Variants in CTNNA3 observed in about 807,000 individuals in gnomAD.
CTNNA3 encodes catenin alpha 3.
In CTNNA3, 76 loss-of-function variants were observed where a neutral mutation model predicts 95.7. The ratio of observed to expected loss-of-function variants is 0.79; its 90% CI spans 0.66 to 0.96. The LOEUF (loss-of-function observed/expected upper bound fraction) is 0.96. Ranked by LOEUF, CTNNA3 falls within the 40% of genes least tolerant of loss-of-function variation. The pLI, the probability that CTNNA3 is intolerant of heterozygous loss-of-function variation, is 0.00. For missense variants in CTNNA3, 1,191 were observed against 1,089.8 expected (o/e 1.09, Z -1.31); for synonymous variants, 431 against 374.4 (o/e 1.15, Z -1.74).
intron 1 of CTNNA3, among the ~76,000 whole-genome samples, chr10:67,657,319 T>C (rs972815115): frequency 6.6e-6 from 1 of 152,074 alleles, no homozygotes; most frequent in East Asian, 1.9e-4. Flanking sequence ...CAGTTAGATA[T>C]ACAAGAGCAG....
intron 3 of CTNNA3, among the ~76,000 whole-genome samples, chr10:67,559,267 G>A (rs932499782): frequency 2.6e-5 from 4 of 152,158 alleles, no homozygotes; most frequent in Admixed American, 6.5e-5. Context: ...CACCTCACAC[G>A]GCTGGGTACC....
intron 7 of CTNNA3, among the ~76,000 whole-genome samples, chr10:66,900,532 T>C (rs529291865): frequency 1.5e-4 from 23 of 152,268 alleles, no homozygotes; most frequent in African/African-American, 5.3e-4. Context: ...CTTTGACAAG[T>C]TGACAGAAGT....
chr10:66,848,939 T>G (rs1023094464), intron 7 of CTNNA3, among the ~76,000 whole-genome samples: 2 of 152,202 alleles, frequency 1.3e-5, no homozygotes, highest in Admixed American at 6.5e-5. Context: ...ATACTTAGAT[T>G]GCACAACTGT....
intron 11 of CTNNA3, among the ~76,000 whole-genome samples, chr10:66,434,923 G>C (rs2093326458): frequency 6.6e-6 from 1 of 151,568 alleles, no homozygotes; most frequent in South Asian, 2.1e-4. Flanking sequence ...TTTTTCATTG[G>C]TTCTGTTTAT....
intron 10 of CTNNA3, among the ~76,000 whole-genome samples, chr10:66,523,318 G>T (rs189447551): frequency 6.6e-6 from 1 of 152,212 alleles, no homozygotes; most frequent in Non-Finnish European, 1.5e-5. Flanking sequence ...TATAAGACAG[G>T]CTACATTTTA....
chr10:65,930,343 G>A (rs1454584605), intron 17 of CTNNA3, among the ~76,000 whole-genome samples: 1 of 151,944 alleles, frequency 6.6e-6, no homozygotes, highest in Non-Finnish European at 1.5e-5. Flanking sequence ...ATCAGCCCAA[G>A]TTGTTACCAT....
intron 7 of CTNNA3, among the ~76,000 whole-genome samples, chr10:67,112,852 A>G (rs1858980663): frequency 6.6e-6 from 1 of 150,670 alleles, no homozygotes; most frequent in South Asian, 2.1e-4. Context: ...TGAGAAATAC[A>G]TCCATCACAT....
chr10:66,465,905 T>C lies in CTNNA3; in HGVS notation c.1531+54712A>G, dbSNP rs1838892773. Among the ~76,000 whole-genome samples the C allele has an allele frequency of 3.3e-5, 5 of 152,158 alleles. No individual in the cohort carries two copies. The South Asian group carries it at 1.0e-3, about 32-fold the overall frequency. ...ATACATTATAGATGTGAACAAAATT[T>C]ATTGAATGGAGATAGTACAATGAGA... On this transcript the variant is annotated intron_variant, in intron 11 of 17. Coordinates refer to ENST00000433211, the MANE Select transcript of CTNNA3 (RefSeq NM_013266.4).
chr10:67,741,420 A>G (rs1214975967), intron 1 of CTNNA3, among the ~76,000 whole-genome samples: 2 of 150,734 alleles, frequency 1.3e-5, no homozygotes, highest in African/African-American at 4.9e-5. Flanking sequence ...TTCATAAGTG[A>G]AGGAGAAATA....
intron 7 of CTNNA3, among the ~76,000 whole-genome samples, chr10:67,001,654 C>T (rs760199977): frequency 2.6e-5 from 4 of 151,892 alleles, no homozygotes; most frequent in Non-Finnish European, 4.4e-5. Flanking sequence ...AGAAAGTTAC[C>T]ACAAGACAAC....
At chr10:66,343,851 T>C (rs987509052) in intron 12 of CTNNA3, among the ~76,000 whole-genome samples, 1 of 151,974 alleles carries the variant, frequency 6.6e-6, no homozygotes, top group African/African-American at 2.4e-5. Context: ...CAATTATTAT[T>C]TGTCAATTAA....
intron 5 of CTNNA3, among the ~76,000 whole-genome samples, chr10:67,300,108 G>A (rs1589140179): frequency 1.3e-5 from 2 of 152,102 alleles, no homozygotes; most frequent in Admixed American, 6.6e-5. Flanking sequence ...CTGGAGGTGG[G>A]GCCCAGCAAC....
chr10:66,066,767 G>T (rs1271310181), intron 15 of CTNNA3, among the ~76,000 whole-genome samples: 1 of 152,074 alleles, frequency 6.6e-6, no homozygotes, highest in Non-Finnish European at 1.5e-5. Context: ...GAATTATATT[G>T]TAAAGAGTAA....
At chr10:66,972,697 T>C (rs1849789713) in intron 7 of CTNNA3, among the ~76,000 whole-genome samples, 2 of 127,900 alleles carry the variant, frequency 1.6e-5, no homozygotes, top group African/African-American at 5.7e-5. Flanking sequence ...TTCTGTCAAA[T>C]AGATTTTTTT....
intron 12 of CTNNA3, among the ~76,000 whole-genome samples, chr10:66,329,266 T>G (rs2092296225): frequency 1.3e-5 from 2 of 151,898 alleles, no homozygotes; most frequent in African/African-American, 2.4e-5. Context: ...GGATGAATTC[T>G]TACTTCCTCT....
intron 5 of CTNNA3, among the ~76,000 whole-genome samples, chr10:67,470,024 T>TA (rs1847756194): frequency 6.6e-6 from 1 of 152,234 alleles, no homozygotes. Context: ...TGGTATCAAA[T>TA]ACTAGGTCTT....
intron 11 of CTNNA3, among the ~76,000 whole-genome samples, chr10:66,421,192 G>T (rs2093190051): frequency 6.6e-6 from 1 of 152,100 alleles, no homozygotes; most frequent in Non-Finnish European, 1.5e-5. Context: ...TCATATGTGG[G>T]AACTAAAAAG....
At chr10:66,020,589 T>A (rs2079182508) in intron 15 of CTNNA3, among the ~76,000 whole-genome samples, 1 of 152,210 alleles carries the variant, frequency 6.6e-6, no homozygotes, top group South Asian at 2.1e-4. Flanking sequence ...CAGGGAGCCC[T>A]AGTTAGCCTC....
At chr10:67,407,692 T>C (rs1845191959) in intron 5 of CTNNA3, among the ~76,000 whole-genome samples, 2 of 152,274 alleles carry the variant, frequency 1.3e-5, no homozygotes, top group Admixed American at 6.5e-5. Flanking sequence ...AAAAGCTTCT[T>C]AAGGTGATAA....
Sources: gnomAD v4.1 joint callset for allele counts (sites outside exome capture counted in the v4.1 genomes callset) on GRCh38, gnomAD v4.1.1 for gene constraint, MANE v1.5 for transcripts, NCBI Gene and HGNC (gene_info 2026-07-23, HGNC 2026-07-21) for gene names.